ACAP2: variants seen among roughly 807,000 people sequenced by gnomAD.
The protein encoded by ACAP2 is ArfGAP with coiled-coil, ankyrin repeat and PH domains 2.
Under a neutral mutation model 115.8 loss-of-function variants are expected in ACAP2, and 39 were observed. The ratio of observed to expected loss-of-function variants is 0.34; its 90% CI spans 0.26 to 0.44. The LOEUF is 0.44. Among genes scored for constraint, ACAP2 ranks in the 20% least tolerant of loss-of-function variants. The pLI is 1.00. For missense variants in ACAP2, 662 were observed against 927.6 expected, an observed-to-expected ratio of 0.71 and a Z score of 3.72; for synonymous variants, 289 against 315.8, an observed-to-expected ratio of 0.92 and a Z score of 0.90.
chr3:195,366,314 C>A (rs1188286353), intron 4 of ACAP2, among the ~76,000 whole-genome samples: 2 of 152,174 alleles, frequency 1.3e-5, no homozygotes, highest in Admixed American at 1.3e-4. Context: ...AGGAAGTTTG[C>A]CAGATGATTC....
intron 1 of ACAP2, chr3:195,442,412 G>A (rs942585524): frequency 8.2e-5 from 26 of 315,532 alleles, no homozygotes; most frequent in African/African-American, 5.4e-4. Flanking sequence ...AAGAAGGGGC[G>A]GAAGGAAGGG....
intron 4 of ACAP2, among the ~76,000 whole-genome samples, chr3:195,353,767 TTA>T (rs199827213): frequency 0.24 from 36,207 of 150,222 alleles, 5,048 homozygotes; most frequent in East Asian, 0.72. Context: ...AATAAAGTTG[TTA>T]AAAAAACATC....
At chr3:195,376,392 A>G (rs1733541775) in intron 4 of ACAP2, among the ~76,000 whole-genome samples, 1 of 152,092 alleles carries the variant, frequency 6.6e-6, no homozygotes, top group South Asian at 2.1e-4. Context: ...CATCTCAAAA[A>G]AGATATATAT....
intron 4 of ACAP2, among the ~76,000 whole-genome samples, chr3:195,362,639 A>G (rs1242529037): frequency 6.6e-6 from 1 of 152,214 alleles, no homozygotes; most frequent in Non-Finnish European, 1.5e-5. Flanking sequence ...AAGGATTACC[A>G]ACTGGGATTT....
At chr3:195,310,385 T>G (rs913218371) in intron 10 of ACAP2, among the ~76,000 whole-genome samples, 1 of 152,190 alleles carries the variant, frequency 6.6e-6, no homozygotes, top group Non-Finnish European at 1.5e-5. Context: ...TTGGGACAGA[T>G]AGTTGGTTAG....
chr3:195,390,242 C>G (rs2088661633), intron 2 of ACAP2, among the ~76,000 whole-genome samples: 1 of 151,974 alleles, frequency 6.6e-6, no homozygotes, highest in Non-Finnish European at 1.5e-5. Context: ...GCCTCTTCTA[C>G]TTTGTGATTT....
chr3:195,408,732 A>G (rs990303494), intron 1 of ACAP2, among the ~76,000 whole-genome samples: 1 of 152,228 alleles, frequency 6.6e-6, no homozygotes, highest in South Asian at 2.1e-4. Context: ...TCTACAGCAT[A>G]GTAAAAGGAT....
At chr3:195,348,067 C>T (rs1228945499) in intron 4 of ACAP2, among the ~76,000 whole-genome samples, 1 of 140,676 alleles carries the variant, frequency 7.1e-6, no homozygotes, top group South Asian at 2.3e-4. Context: ...AAAAAAAAAA[C>T]CTAAACCTGG....
chr3:195,325,413 GAT>G, intron 9 of ACAP2: 3 of 353,884 alleles, frequency 8.5e-6, no homozygotes, highest in Non-Finnish European at 1.6e-5. Flanking sequence ...TTAGTGGACT[GAT>G]TTTTTTTTTT....
intron 10 of ACAP2, among the ~76,000 whole-genome samples, chr3:195,315,160 C>A (rs112008164): frequency 5.9e-5 from 9 of 152,152 alleles, no homozygotes; most frequent in African/African-American, 2.2e-4. Context: ...GGGCTACAGG[C>A]ACCACACCAC....
intron 21 of ACAP2, among the ~76,000 whole-genome samples, chr3:195,287,807 T>G (rs990051765): frequency 1.3e-5 from 2 of 152,042 alleles, no homozygotes; most frequent in African/African-American, 4.8e-5. Flanking sequence ...TACAAAGAGA[T>G]AAAGAAACCA....
intron 10 of ACAP2, among the ~76,000 whole-genome samples, chr3:195,309,270 G>A (rs1389263278): frequency 2.6e-5 from 4 of 152,060 alleles, no homozygotes; most frequent in Admixed American, 6.5e-5. Flanking sequence ...GGCCAGGCAC[G>A]GTGGCTCACG....
At chr3:195,284,788 C>G (rs752555337) in intron 22 of ACAP2, among the ~76,000 whole-genome samples, 3 of 152,092 alleles carry the variant, frequency 2.0e-5, no homozygotes, top group Non-Finnish European at 4.4e-5. Context: ...TGAATATTCT[C>G]AAGTATTTTA....
At chr3:195,286,077 G>T (rs553462191) in intron 21 of ACAP2, among the ~76,000 whole-genome samples, 2 of 152,124 alleles carry the variant, frequency 1.3e-5, no homozygotes, top group Admixed American at 1.3e-4. Context: ...ATCTTCTGAC[G>T]ACTGCATTTT....
chr3:195,318,799 C>G (rs932531524), intron 10 of ACAP2, among the ~76,000 whole-genome samples: 2 of 152,176 alleles, frequency 1.3e-5, no homozygotes, highest in East Asian at 3.8e-4. Flanking sequence ...AAAGAAAAAT[C>G]CATTTTCTGA....
At chr3:195,426,327 C>A (rs6800562) in intron 1 of ACAP2, among the ~76,000 whole-genome samples, 46,087 of 152,020 alleles carry the variant, frequency 0.3, 8,031 homozygotes, top group East Asian at 0.81. Flanking sequence ...GGCAAACATC[C>A]TGGGTTTCCA....
intron 4 of ACAP2, 27 bp from the exon 5 acceptor site, chr3:195,345,344 G>A (rs751570407): frequency 7.1e-7 from 1 of 1,407,894 alleles, no homozygotes; most frequent in Non-Finnish European, 1.0e-6. Flanking sequence ...AATATTAAGT[G>A]ATTAGAAAAG....
chr3:195,411,902 A>G (rs1453796730), intron 1 of ACAP2, among the ~76,000 whole-genome samples: 1 of 151,898 alleles, frequency 6.6e-6, no homozygotes, highest in Non-Finnish European at 1.5e-5. Context: ...GGAAAAAAAA[A>G]AAAAACTCAC....
At chr3:195,392,183 T>G (rs761932666) in intron 1 of ACAP2, 36 bp from the exon 2 acceptor site, 3 of 1,519,878 alleles carry the variant, frequency 2.0e-6, no homozygotes, top group African/African-American at 2.8e-5. Context: ...TTATTTCGTT[T>G]GTTTAAATGT....
Sources: allele counts gnomAD v4.1 joint callset (sites outside exome capture counted in the v4.1 genomes callset), GRCh38; gene constraint gnomAD v4.1.1; transcripts MANE v1.5; gene names NCBI Gene and HGNC (gene_info 2026-07-23, HGNC 2026-07-21).